BMPR1A: variants seen among roughly 807,000 people sequenced by gnomAD.
BMPR1A encodes bone morphogenetic protein receptor type-1A.
In BMPR1A, 7 loss-of-function variants were observed where a neutral mutation model predicts 66.0. That is an observed-to-expected ratio of 0.11 (90% CI 0.06 to 0.20). The LOEUF (loss-of-function observed/expected upper bound fraction) is 0.20, where lower values mean the gene tolerates loss of function less well. BMPR1A is among the 10% of genes least tolerant of loss of function. BMPR1A has a pLI of 1.00. For missense variants in BMPR1A, 408 were observed against 669.1 expected, an observed-to-expected ratio of 0.61 and a Z score of 4.31; for synonymous variants, 200 against 229.7, an observed-to-expected ratio of 0.87 and a Z score of 1.17.
At chr10:86,814,913 G>C (rs1842014646) in intron 1 of BMPR1A, among the ~76,000 whole-genome samples, 1 of 152,094 alleles carries the variant, frequency 6.6e-6, no homozygotes, top group East Asian at 1.9e-4. Flanking sequence ...AGCCTCCCGA[G>C]TAGCTGGGAC....
At chr10:86,806,245 T>A (rs906816404) in intron 1 of BMPR1A, among the ~76,000 whole-genome samples, 2 of 152,160 alleles carry the variant, frequency 1.3e-5, no homozygotes, top group African/African-American at 4.8e-5. Context: ...GTCAAGGTGT[T>A]TTCCAGTTTC....
chr10:86,881,036 A>G (rs1842978944), intron 3 of BMPR1A, among the ~76,000 whole-genome samples: 1 of 152,136 alleles, frequency 6.6e-6, no homozygotes, highest in Non-Finnish European at 1.5e-5. Context: ...TCCCTTTAAA[A>G]AAAAAATAGT....
At chr10:86,853,282 T>C (rs1842596807) in intron 2 of BMPR1A, among the ~76,000 whole-genome samples, 1 of 151,418 alleles carries the variant, frequency 6.6e-6, no homozygotes, top group Non-Finnish European at 1.5e-5. Flanking sequence ...TTGGCCCAGA[T>C]GATCTTTTTT....
chr10:86,812,024 G>C (rs1380271610), intron 1 of BMPR1A, among the ~76,000 whole-genome samples: 1 of 151,168 alleles, frequency 6.6e-6, no homozygotes, highest in Non-Finnish European at 1.5e-5. Context: ...GAGGGTTGTG[G>C]TAAGCTCTGA....
At chr10:86,856,199 C>G (rs1842637829) in intron 2 of BMPR1A, 1 of 524,524 alleles carries the variant, frequency 1.9e-6, no homozygotes, top group African/African-American at 1.9e-5. Context: ...AATGTTCATT[C>G]ACTACATCGT....
At chr10:86,789,674 C>G (rs1841571584) in intron 1 of BMPR1A, among the ~76,000 whole-genome samples, 1 of 150,322 alleles carries the variant, frequency 6.7e-6, no homozygotes. Context: ...AATCATGCCA[C>G]TGCACTCCAT....
chr10:86,867,191 T>C (rs1842797483), intron 2 of BMPR1A, among the ~76,000 whole-genome samples: 1 of 152,252 alleles, frequency 6.6e-6, no homozygotes, highest in Non-Finnish European at 1.5e-5. Context: ...TCTGAAATGC[T>C]GTAAAACCTG....
At chr10:86,802,587 G>T (rs1000613510) in intron 1 of BMPR1A, among the ~76,000 whole-genome samples, 2 of 151,764 alleles carry the variant, frequency 1.3e-5, no homozygotes, top group Non-Finnish European at 2.9e-5. Context: ...TTAACCAGTT[G>T]AGGTTCAAGT....
In BMPR1A at chr10:86,925,721, C is replaced by CTTTTTTTTTTTTTTTTTTTTTTTTTTTT. The variant is rs11450437; in HGVS notation, c.*2019_*2020insTTTTTTTTTTTTTTTTTTTTTTTTTTTT. The CTTTTTTTTTTTTTTTTTTTTTTTTTTTT allele has an allele frequency of 8.6e-6, 1 of 116,306 alleles. No individual in the cohort carries two copies. The highest frequency in any genetic ancestry group is 1.6e-5 in the Non-Finnish European group (1 of 62,794). 7.2% of individuals were successfully genotyped at this position (116,306 alleles called of 1,614,324 possible). ...CATAATCTTTAAAATCATTTGTCAT[C>CTTTTTTTTTTTTTTTTTTTTTTTTTTTT]TTTTTTTTTTTTTTTTTGAGACGGA... On this transcript the variant is annotated 3_prime_UTR_variant, in exon 13 of 13. Transcript: ENST00000372037.
downstream of BMPR1A, chr10:86,928,483 C>G (rs1387167858): frequency 6.6e-6 from 1 of 151,984 alleles, no homozygotes; most frequent in Non-Finnish European, 1.5e-5. Flanking sequence ...CTTGGCCTCC[C>G]AAAGTGCTGA....
chr10:86,802,422 A>G (rs1841825026), intron 1 of BMPR1A, among the ~76,000 whole-genome samples: 1 of 152,224 alleles, frequency 6.6e-6, no homozygotes, highest in Non-Finnish European at 1.5e-5. Flanking sequence ...AATCTGAACT[A>G]CATTAGTACT....
At chr10:86,842,699 A>G (rs975362104) in intron 2 of BMPR1A, among the ~76,000 whole-genome samples, 3 of 152,194 alleles carry the variant, frequency 2.0e-5, no homozygotes, top group Non-Finnish European at 2.9e-5. Flanking sequence ...GCAATTTGTA[A>G]AGGAAAGAGG....
intron 2 of BMPR1A, among the ~76,000 whole-genome samples, chr10:86,875,333 A>G (rs1189053046): frequency 5.8e-5 from 6 of 102,856 alleles, no homozygotes; most frequent in Non-Finnish European, 7.8e-5. Flanking sequence ...AGATGGTGCC[A>G]TTGCACTCCA....
intron 1 of BMPR1A, among the ~76,000 whole-genome samples, chr10:86,775,404 T>C (rs1268627922): frequency 6.6e-6 from 1 of 152,204 alleles, no homozygotes; most frequent in African/African-American, 2.4e-5. Flanking sequence ...TTCAGTTTCC[T>C]GCTTATCTCA....
intron 7 of BMPR1A, among the ~76,000 whole-genome samples, chr10:86,900,690 C>A (rs1212690157): frequency 6.6e-6 from 1 of 152,200 alleles, no homozygotes; most frequent in Non-Finnish European, 1.5e-5. Context: ...GAGGAAAAGA[C>A]GTTCGCATAC....
chr10:86,759,309 T>C (rs1840987505), intron 1 of BMPR1A, among the ~76,000 whole-genome samples: 1 of 152,254 alleles, frequency 6.6e-6, no homozygotes. Flanking sequence ...TCAGATCACT[T>C]TTCTCTATGT....
intron 5 of BMPR1A, among the ~76,000 whole-genome samples, chr10:86,895,303 C>T (rs752980839): frequency 6.6e-6 from 1 of 152,016 alleles, no homozygotes; most frequent in Non-Finnish European, 1.5e-5. Context: ...TTTGGGAGGC[C>T]GAGGCGAGCA....
chr10:86,761,526 T>C (rs780800436), intron 1 of BMPR1A, among the ~76,000 whole-genome samples: 2 of 152,250 alleles, frequency 1.3e-5, no homozygotes, highest in African/African-American at 4.8e-5. Flanking sequence ...AGACTGAAGA[T>C]GTTCAAACTT....
chr10:86,779,128 A>G lies in BMPR1A; in HGVS notation c.-268+22209A>G, dbSNP rs187935409. Among the ~76,000 whole-genome samples the G allele has an allele frequency of 2.2e-3, 339 of 152,088 alleles. 1 individual carries two copies. Among genetic ancestry groups the G allele is most frequent in the African/African-American group, 7.9e-3 (327 of 41,496 alleles). ...TGTGTATGTATACCATATTTTCTTT[A>G]TCCATTCCTCTGTTATTAGATGTCC... is the stretch of plus-strand genomic sequence containing the variant. On this transcript the variant is annotated intron_variant, in intron 1 of 12. Coordinates refer to ENST00000372037, the MANE Select transcript of BMPR1A (RefSeq NM_004329.3).
Sources: gnomAD v4.1 joint callset for allele counts (sites outside exome capture counted in the v4.1 genomes callset) on GRCh38, gnomAD v4.1.1 for gene constraint, MANE v1.5 for transcripts, NCBI Gene and HGNC (gene_info 2026-07-23, HGNC 2026-07-21) for gene names.